The following MACROD2 variants were observed in gnomAD, a reference collection of about 807,000 sequenced individuals.
The protein encoded by MACROD2 is ADP-ribose glycohydrolase MACROD2.
Under a neutral mutation model 70.4 loss-of-function variants are expected in MACROD2, and 36 were observed. That is an observed-to-expected ratio of 0.51 (90% CI 0.39 to 0.68). MACROD2 has a LOEUF of 0.68. Among genes scored for constraint, MACROD2 ranks in the 30% least tolerant of loss-of-function variants. MACROD2 has a pLI of 0.00. For synonymous variants in MACROD2, 172 were observed against 178.8 expected (o/e 0.96, Z 0.30); for missense variants, 496 against 538.4 (o/e 0.92, Z 0.78).
intron 6 of MACROD2, among the ~76,000 whole-genome samples, chr20:15,349,343 G>A (rs1306720468): frequency 6.6e-6 from 1 of 152,100 alleles, no homozygotes; most frequent in East Asian, 1.9e-4. Context: ...TGGGCCATGT[G>A]TTATTACCTA....
At chr20:15,715,146 A>G (rs2050689710) in intron 8 of MACROD2, among the ~76,000 whole-genome samples, 1 of 152,154 alleles carries the variant, frequency 6.6e-6, no homozygotes, top group East Asian at 1.9e-4. Context: ...AATTTTATGT[A>G]TAAAATGCCA....
chr20:15,025,272 G>GTGTA (rs1285117977), intron 5 of MACROD2, among the ~76,000 whole-genome samples: 3 of 152,082 alleles, frequency 2.0e-5, no homozygotes, highest in Non-Finnish European at 2.9e-5. Context: ...GGGGTTGTGT[G>GTGTA]TGTATGTTCA....
intron 8 of MACROD2, among the ~76,000 whole-genome samples, chr20:15,850,000 G>A (rs867712346): frequency 6.6e-6 from 1 of 152,298 alleles, no homozygotes; most frequent in Non-Finnish European, 1.5e-5. Context: ...GCAGCAGCCC[G>A]TACCTTATCG....
chr20:15,639,942 GGA>G (rs993797253), intron 8 of MACROD2, among the ~76,000 whole-genome samples: 1 of 150,910 alleles, frequency 6.6e-6, no homozygotes, highest in African/African-American at 2.4e-5. Flanking sequence ...AGGCAGAAAA[GGA>G]GAGAGAGGGG....
At chr20:14,839,980 C>T (rs942051346) in intron 5 of MACROD2, among the ~76,000 whole-genome samples, 1 of 151,642 alleles carries the variant, frequency 6.6e-6, no homozygotes, top group Non-Finnish European at 1.5e-5. Flanking sequence ...ATGTTTGTTA[C>T]TCATCCTTCT....
At position 14,397,451 on chromosome 20, in the gene MACROD2, A is replaced by G. The variant is rs567282907; in HGVS notation, c.272-96028A>G. ...GTCTACTGTTCAAAAATAACATTGT[A>G]GTTTATGTATGTAACAAGCTCTTAA... On this transcript the variant is annotated intron_variant, in intron 3 of 17. Transcript: ENST00000684519. 2.0e-5 allele frequency among the ~76,000 whole-genome samples: 3 copies of G among 152,348 alleles called. No homozygotes were observed. In the South Asian group the frequency reaches 6.2e-4, roughly 32 times the overall value.
At chr20:14,622,761 A>C (rs546601617) in intron 4 of MACROD2, 3 of 152,316 alleles carry the variant, frequency 2.0e-5, no homozygotes, top group African/African-American at 7.2e-5. Flanking sequence ...GTGAAATGAC[A>C]ATCAGTATAC....
chr20:15,995,395 G>A (rs1302295312), intron 15 of MACROD2, among the ~76,000 whole-genome samples: 1 of 150,942 alleles, frequency 6.6e-6, no homozygotes, highest in Non-Finnish European at 1.5e-5. Context: ...TGTCACCCAG[G>A]CTGGAGTGCA....
At chr20:14,069,626 C>A (rs2053812730) in intron 2 of MACROD2, among the ~76,000 whole-genome samples, 1 of 146,610 alleles carries the variant, frequency 6.8e-6, no homozygotes, top group East Asian at 2.0e-4. Flanking sequence ...AAATATATCC[C>A]AAATAAATAT....
chr20:15,953,408 T>C (rs1002193052), intron 12 of MACROD2, among the ~76,000 whole-genome samples: 1 of 152,168 alleles, frequency 6.6e-6, no homozygotes, highest in Non-Finnish European at 1.5e-5. Flanking sequence ...TTCCAGATGA[T>C]GGATATGCTA....
At chr20:14,130,930 G>GTT (rs11087075) in intron 3 of MACROD2, among the ~76,000 whole-genome samples, 24 of 109,654 alleles carry the variant, frequency 2.2e-4, no homozygotes, top group Admixed American at 3.4e-4. Context: ...TGTTTTTTTT[G>GTT]TTTTTTTTTT....
intron 8 of MACROD2, among the ~76,000 whole-genome samples, chr20:15,800,299 T>A (rs1031893736): frequency 1.0e-4 from 15 of 150,100 alleles, no homozygotes; most frequent in African/African-American, 3.5e-4. Context: ...TATGGTCCCA[T>A]TTGCCTATTT....
intron 3 of MACROD2, among the ~76,000 whole-genome samples, chr20:14,362,714 C>T (rs576018689): frequency 6.6e-5 from 10 of 151,954 alleles, no homozygotes; most frequent in African/African-American, 2.4e-4. Flanking sequence ...AGAGAATTAA[C>T]GATAGATTGA....
chr20:15,944,111 T>A (rs1195168809), intron 12 of MACROD2, among the ~76,000 whole-genome samples: 1 of 152,164 alleles, frequency 6.6e-6, no homozygotes, highest in Non-Finnish European at 1.5e-5. Context: ...TTCTTCCTAT[T>A]ACAAATAATA....
At chr20:14,758,782 G>C (rs2071976675) in intron 5 of MACROD2, among the ~76,000 whole-genome samples, 1 of 152,118 alleles carries the variant, frequency 6.6e-6, no homozygotes, top group South Asian at 2.1e-4. Flanking sequence ...TTCAGTATCA[G>C]AGATACTTGT....
chr20:15,796,994 A>C (rs1016296970), intron 8 of MACROD2, among the ~76,000 whole-genome samples: 3 of 152,218 alleles, frequency 2.0e-5, no homozygotes, highest in African/African-American at 7.2e-5. Flanking sequence ...TTTCTTACGT[A>C]TCAAGGTAGG....
intron 6 of MACROD2, among the ~76,000 whole-genome samples, chr20:15,311,394 T>A (rs1370475558): frequency 1.3e-5 from 2 of 152,192 alleles, no homozygotes; most frequent in African/African-American, 4.8e-5. Flanking sequence ...CAAATATGTT[T>A]TGCAGAGCTA....
At chr20:14,841,563 C>T (rs933858824) in intron 5 of MACROD2, among the ~76,000 whole-genome samples, 1 of 151,868 alleles carries the variant, frequency 6.6e-6, no homozygotes, top group Non-Finnish European at 1.5e-5. Context: ...GCCCTTGCCA[C>T]ATACAATGTA....
At chr20:15,841,980 G>C (rs1397521509) in intron 8 of MACROD2, among the ~76,000 whole-genome samples, 2 of 152,100 alleles carry the variant, frequency 1.3e-5, no homozygotes, top group African/African-American at 4.8e-5. Context: ...GGGAAGAGAT[G>C]AACAGGAATT....
Sources: allele counts gnomAD v4.1 joint callset (sites outside exome capture counted in the v4.1 genomes callset), GRCh38; gene constraint gnomAD v4.1.1; transcripts MANE v1.5; gene names NCBI Gene and HGNC (gene_info 2026-07-23, HGNC 2026-07-21).